Variants in IQSEC1 observed in about 807,000 individuals in gnomAD.
IQSEC1 encodes the protein IQ motif and Sec7 domain ArfGEF 1.
In IQSEC1, 31 loss-of-function variants were observed where a neutral mutation model predicts 91.0. That is an observed-to-expected ratio of 0.34 (90% CI 0.26 to 0.46). The LOEUF is 0.46. Ranked by LOEUF, IQSEC1 falls within the 20% of genes least tolerant of loss-of-function variation. The pLI is 1.00. For missense variants in IQSEC1, 1,388 were observed against 1,575.6 expected (o/e 0.88, Z 2.02); for synonymous variants, 699 against 662.6 (o/e 1.05, Z -0.84).
chr3:13,110,616 C>T (rs1039236736), intron 2 of IQSEC1, among the ~76,000 whole-genome samples: 1 of 152,172 alleles, frequency 6.6e-6, no homozygotes, highest in African/African-American at 2.4e-5. Context: ...CTGTCTTCCA[C>T]AGGCCTGATT....
chr3:13,183,829 C>T (rs1220009143), intron 1 of IQSEC1, among the ~76,000 whole-genome samples: 1 of 151,988 alleles, frequency 6.6e-6, no homozygotes, highest in Non-Finnish European at 1.5e-5. Context: ...ACAGACTGAT[C>T]AATAAAAGAA....
At chr3:12,996,293 T>C (rs1046366165) in intron 1 of IQSEC1, among the ~76,000 whole-genome samples, 1 of 152,150 alleles carries the variant, frequency 6.6e-6, no homozygotes, top group Non-Finnish European at 1.5e-5. Context: ...ACCTGGCTGG[T>C]TGGAAGGCAG....
chr3:13,175,715 A>G (rs1693714418), intron 1 of IQSEC1, among the ~76,000 whole-genome samples: 1 of 152,254 alleles, frequency 6.6e-6, no homozygotes, highest in Non-Finnish European at 1.5e-5. Flanking sequence ...GTAGTCCAAG[A>G]TGAAGGCTCC....
Position 12,929,891 on chromosome 3 carries a change from C to T in IQSEC1, c.1569-5149G>A, listed in dbSNP as rs74491697. On this transcript the variant is annotated intron_variant, in intron 3 of 13. Coordinates refer to ENST00000613206, the MANE Select transcript of IQSEC1 (RefSeq NM_001134382.3). ...GTGCTCCCAGGTCTGGCCTTAGCTGCCTCCTCTAAAGCTGGCTGAGCCAGC... is the reference window on the plus strand; with the variant it reads ...GTGCTCCCAGGTCTGGCCTTAGCTGTCTCCTCTAAAGCTGGCTGAGCCAGC... 7.1e-3 allele frequency among the ~76,000 whole-genome samples: 1,084 copies of T among 152,352 alleles called. 13 individuals are homozygous for T. The highest frequency in any genetic ancestry group is 0.023 in the African/African-American group (969 of 41,572).
intron 1 of IQSEC1, among the ~76,000 whole-genome samples, chr3:13,238,441 G>A (rs1694969163): frequency 6.6e-6 from 1 of 152,160 alleles, no homozygotes; most frequent in South Asian, 2.1e-4. Context: ...CCTTCCTCCA[G>A]GCCTCTACTC....
rs34011478 is a variant in IQSEC1 at position 13,128,876 on chromosome 3, C to CAAA, written c.302+35225_302+35227dup. Reference sequence around the variant, plus strand: ...CGGGTGACAGAGCAAGACTCTGTCTCAAAAAAAAAAAAAAAAAAAAAGAAA... The same window carrying CAAA: ...CGGGTGACAGAGCAAGACTCTGTCTCAAAAAAAAAAAAAAAAAAAAAAAAGAAA... On this transcript the variant is annotated intron_variant, in intron 2 of 15. Transcript: ENST00000648114. Among the ~76,000 whole-genome samples, 115 of 87,412 alleles carry CAAA rather than the reference C, an allele frequency of 1.3e-3. 3 individuals carry two copies. The highest frequency in any genetic ancestry group is 4.4e-3 in the African/African-American group (99 of 22,528). 57.3% of individuals were successfully genotyped at this position (87,412 alleles called of 152,430 possible).
intron 8 of IQSEC1, among the ~76,000 whole-genome samples, chr3:12,914,482 G>A (rs2596902): frequency 0.6 from 91,513 of 151,982 alleles, 27,955 homozygotes; most frequent in Non-Finnish European, 0.66. Flanking sequence ...CCCAGCCTGG[G>A]GTGCTTAGGT....
At chr3:13,243,794 T>C (rs1049056808) in intron 1 of IQSEC1, among the ~76,000 whole-genome samples, 4 of 151,608 alleles carry the variant, frequency 2.6e-5, no homozygotes, top group African/African-American at 9.7e-5. Flanking sequence ...CCTGTATTTC[T>C]AGGGGGGCGT....
intron 1 of IQSEC1, among the ~76,000 whole-genome samples, chr3:13,255,000 C>A (rs1695261758): frequency 6.6e-6 from 1 of 152,262 alleles, no homozygotes; most frequent in Non-Finnish European, 1.5e-5. Flanking sequence ...CCCCAACCTC[C>A]CTCGACAATC....
At chr3:13,237,241 G>A (rs1175226336) in intron 1 of IQSEC1, among the ~76,000 whole-genome samples, 1 of 152,224 alleles carries the variant, frequency 6.6e-6, no homozygotes, top group African/African-American at 2.4e-5. Flanking sequence ...TGGATGGGAT[G>A]ACGCCTGAGC....
rs1696953864 is a variant in IQSEC1 at position 12,924,655 on chromosome 3, G to A, written c.1656C>T (p.Arg552=). ...PVGVAHFLLQ[R]KGLSRQMIGE... ...CGATCATCTGCCGGCTGAGGCCCTT[G>A]CGCTGCAGCAGGAAGTGGGCCACCC... Residue 552 remains arginine, a synonymous_variant, in exon 4 of 14, where the codon CGC becomes CGT. Coordinates refer to ENST00000613206, the MANE Select transcript of IQSEC1 (RefSeq NM_001134382.3). This position sits in a 1 kb window ranked among gnomAD's most constrained non-coding sequence, Gnocchi z 6.3. The A allele has an allele frequency of 5.6e-6, 9 of 1,610,978 alleles. No individual in the cohort carries two copies. The South Asian group carries it at 8.8e-5, about 16-fold the overall frequency.
chr3:13,149,606 G>A (rs1706957213), intron 2 of IQSEC1, among the ~76,000 whole-genome samples: 1 of 152,102 alleles, frequency 6.6e-6, no homozygotes, highest in Non-Finnish European at 1.5e-5. Flanking sequence ...CCTCTATTGA[G>A]GCGGGAGCTG....
chr3:13,038,262 G>GTGTATATATATATATA (rs1491471643), intron 1 of IQSEC1, among the ~76,000 whole-genome samples: 39 of 101,190 alleles, frequency 3.9e-4, no homozygotes, highest in South Asian at 9.7e-4. Flanking sequence ...GTGTGTGTGT[G>GTGTATATATATATATA]TATATATATA....
chr3:12,935,590 A>T lies in IQSEC1; in HGVS notation c.1426T>A (p.Ser476Thr). Reference sequence around the variant, plus strand: ...TGCTCCCGCAGGCTGTCACGGGACGATGACTCGGAGCTGCAGTTGATGGTA... The same window carrying T: ...TGCTCCCGCAGGCTGTCACGGGACGTTGACTCGGAGCTGCAGTTGATGGTA... Reference protein sequence around the residue: ...NDTINCSSESSSRDSLREQTL... With the variant: ...NDTINCSSESTSRDSLREQTL... Residue 476 changes from serine (S) to threonine (T), a missense_variant, in exon 3 of 14, where the codon TCG (serine) becomes ACG (threonine). By Grantham distance (58) the Ser-to-Thr change is moderately conservative. Coordinates refer to ENST00000613206, the MANE Select transcript of IQSEC1 (RefSeq NM_001134382.3). The surrounding 1 kb of genome is among the most constrained non-coding windows in gnomAD (Gnocchi z 8.0). The T allele has an allele frequency of 1.2e-6, 2 of 1,614,092 alleles. No individual in the cohort carries two copies. Among genetic ancestry groups the T allele is most frequent in the Non-Finnish European group, 1.7e-6 (2 of 1,180,016 alleles).
At chr3:13,272,582 G>A (rs1017511244) in intron 1 of IQSEC1, among the ~76,000 whole-genome samples, 2 of 152,220 alleles carry the variant, frequency 1.3e-5, no homozygotes, top group Non-Finnish European at 2.9e-5. Context: ...AGGGGTGAGG[G>A]TCAAAGGGGA....
Position 12,922,265 on chromosome 3 carries a change from C to T in IQSEC1, c.1731-23G>A, listed in dbSNP as rs1301720114. The T allele has an allele frequency of 6.4e-6, 10 of 1,552,884 alleles. No homozygotes were observed. Among genetic ancestry groups the T allele is most frequent in the African/African-American group, 4.1e-5 (3 of 72,992 alleles). On this transcript the variant is annotated intron_variant, in intron 4 of 13. Coordinates refer to ENST00000613206, the MANE Select transcript of IQSEC1 (RefSeq NM_001134382.3). The surrounding 1 kb of genome is among the most constrained non-coding windows in gnomAD (Gnocchi z 5.1). Reference sequence around the variant, plus strand: ...CAGCTGGAATAGAGACAGACAGCCCCGCATAAGCACCCCTTGCAGGTGCGA... The same window carrying T: ...CAGCTGGAATAGAGACAGACAGCCCTGCATAAGCACCCCTTGCAGGTGCGA...
At chr3:13,123,791 C>A (rs912585310) in intron 2 of IQSEC1, among the ~76,000 whole-genome samples, 1 of 152,202 alleles carries the variant, frequency 6.6e-6, no homozygotes, top group Admixed American at 6.5e-5. Context: ...CAGAGCCCTG[C>A]GCTGACCTGC....
At chr3:12,955,696 G>A (rs1699858463) in intron 1 of IQSEC1, among the ~76,000 whole-genome samples, 1 of 152,226 alleles carries the variant, frequency 6.6e-6, no homozygotes. Flanking sequence ...TTAAAGAGAG[G>A]GGCTGGGCAA....
chr3:12,904,499 G>A (rs1210806255), intron 12 of IQSEC1, among the ~76,000 whole-genome samples: 1 of 152,212 alleles, frequency 6.6e-6, no homozygotes, highest in Non-Finnish European at 1.5e-5. Context: ...AGTGTGGGAA[G>A]AAGGGCTGAC....
Sources: allele counts gnomAD v4.1 joint callset (sites outside exome capture counted in the v4.1 genomes callset), GRCh38; gene constraint gnomAD v4.1.1; non-coding constraint Gnocchi (gnomAD v3.1); transcripts MANE v1.5; gene names NCBI Gene and HGNC (gene_info 2026-07-23, HGNC 2026-07-21).